The following EIF3B variants were observed in gnomAD, a reference collection of about 807,000 sequenced individuals.
The protein encoded by EIF3B is eukaryotic translation initiation factor 3 subunit 9.
In EIF3B, 10 loss-of-function variants were observed where a neutral mutation model predicts 104.6. The observed-to-expected ratio is 0.10, with a 90% confidence interval of 0.06 to 0.16. The LOEUF (loss-of-function observed/expected upper bound fraction) is 0.16. Ranked by LOEUF, EIF3B falls within the 10% of genes least tolerant of loss-of-function variation. The pLI is 1.00. For missense variants in EIF3B, 1,014 were observed against 1,087.9 expected, an observed-to-expected ratio of 0.93 and a Z score of 0.96; for synonymous variants, 542 against 417.2, an observed-to-expected ratio of 1.30 and a Z score of -3.65.
intron 6 of EIF3B, 42 bp from the exon 7 acceptor site, chr7:2,366,275 C>T (rs759653106): frequency 5.2e-6 from 8 of 1,537,286 alleles, no homozygotes; most frequent in African/African-American, 2.8e-5. Context: ...GTGATCCTCT[C>T]GTGAGAGGAG....
chr7:2,375,503 C>T lies in EIF3B; in HGVS notation c.2004C>T (p.Thr668=), dbSNP rs1271347362. Residue 668 remains threonine, a synonymous_variant, in exon 14 of 19, where the codon ACC becomes ACT. Coordinates refer to ENST00000360876, the MANE Select transcript of EIF3B (RefSeq NM_001037283.2). ...EWDPTGRYVV[T]SVSWWSHKVD... Reference sequence around the variant, plus strand: ...ATCCTACTGGGCGCTACGTCGTCACCTCTGTGTCCTGGTGGAGCCATAAGG... The same window carrying T: ...ATCCTACTGGGCGCTACGTCGTCACTTCTGTGTCCTGGTGGAGCCATAAGG... 5 of 1,614,118 alleles carry T rather than the reference C, an allele frequency of 3.1e-6. No homozygotes were observed. The South Asian group carries it at 3.3e-5, about 11-fold the overall frequency.
At chr7:2,357,915 A>G (rs950152418) in intron 1 of EIF3B, among the ~76,000 whole-genome samples, 2 of 152,132 alleles carry the variant, frequency 1.3e-5, no homozygotes, top group Non-Finnish European at 2.9e-5. Flanking sequence ...TTGTCAGGCT[A>G]TTTAATTGTA....
rs770157468 is a variant in EIF3B at position 2,376,976 on chromosome 7, T to G, written c.2055T>G (p.Thr685=). ...HKVDNAYWLW[T]FQGRLLQKNN... is the part of the protein sequence containing the mutation. ...TGGACAACGCGTACTGGCTGTGGAC[T>G]TTCCAGGGACGCCTCCTGCAGAAGA... Residue 685 remains threonine (T), a synonymous_variant, in exon 15 of 19, where the codon ACT becomes ACG. Coordinates refer to ENST00000360876, the MANE Select transcript of EIF3B (RefSeq NM_001037283.2). 2 of 1,613,940 alleles carry G rather than the reference T, an allele frequency of 1.2e-6. No individual in the cohort carries two copies. The highest frequency in any genetic ancestry group is 2.2e-5 in the South Asian group (2 of 91,072).
At chr7:2,354,664 T>G (rs934382458), upstream of EIF3B, among the ~76,000 whole-genome samples, 1 of 152,188 alleles carries the variant, frequency 6.6e-6, no homozygotes, top group Non-Finnish European at 1.5e-5. Flanking sequence ...GAAACAACCT[T>G]GCTGAATGGA....
chr7:2,367,556 A>C (rs1027879970), intron 9 of EIF3B, among the ~76,000 whole-genome samples: 6 of 151,914 alleles, frequency 3.9e-5, no homozygotes, highest in African/African-American at 1.5e-4. Context: ...TGCAACCTCC[A>C]CCTCCTGGGT....
At chr7:2,367,184 G>C (rs1245908239) in intron 9 of EIF3B, 139 bp downstream of exon 9, 1 of 801,038 alleles carries the variant, frequency 1.2e-6, no homozygotes, top group African/African-American at 1.8e-5. Flanking sequence ...CTGGAGCTTG[G>C]GAGCTTGAGG....
At chr7:2,370,798 G>A (rs983991857) in intron 10 of EIF3B, among the ~76,000 whole-genome samples, 28 of 152,242 alleles carry the variant, frequency 1.8e-4, no homozygotes, top group Admixed American at 3.3e-4. Flanking sequence ...GAAAAAGGCC[G>A]GGCACGGTGG....
At chr7:2,364,311 A>T (rs1779891175) in intron 5 of EIF3B, 61 bp from the exon 6 acceptor site, 2 of 1,392,490 alleles carry the variant, frequency 1.4e-6, no homozygotes, top group Non-Finnish European at 9.8e-7. Flanking sequence ...AATTCATTGT[A>T]GGAGGGGTCT....
chr7:2,360,697 C>A lies in EIF3B; in HGVS notation c.500-13C>A. 1.3e-6 allele frequency: 2 copies of A among 1,561,114 alleles called. No individual in the cohort carries two copies. The highest frequency in any genetic ancestry group is 1.7e-6 in the Non-Finnish European group (2 of 1,146,680). On this transcript the variant is annotated splice_polypyrimidine_tract_variant and intron_variant, in intron 1 of 18. Coordinates refer to ENST00000360876, the MANE Select transcript of EIF3B (RefSeq NM_001037283.2). ...TGGTAAAAATGATCATTTGAAAAAT[C>A]TCTCTTGTTCAGAATTACTGGGAGA...
In EIF3B at chr7:2,364,316, G is replaced by C. The variant is rs539631913; in HGVS notation, c.1000-56G>C. The C allele has an allele frequency of 1.9e-5, 27 of 1,439,106 alleles. 1 individual carries two copies. The South Asian group carries it at 3.7e-4, about 20-fold the overall frequency. 89.1% of individuals were successfully genotyped at this position (1,439,106 alleles called of 1,614,324 possible). A position where few individuals can be genotyped will look rare whatever the true frequency, so the allele number is the denominator to read the frequency against. On this transcript the variant is annotated intron_variant, in intron 5 of 18. Transcript: ENST00000360876. ...TTGTAGGATAAATTCATTGTAGGAG[G>C]GGTCTTTGTGTTTGCCATTTTGTTG...
intron 1 of EIF3B, among the ~76,000 whole-genome samples, chr7:2,356,007 T>C (rs1779408687): frequency 6.6e-6 from 1 of 152,226 alleles, no homozygotes. Context: ...TTCCAGGTTT[T>C]AATATTGCCG....
At chr7:2,362,989 G>A (rs890011082) in intron 3 of EIF3B, 81 bp from the exon 4 acceptor site, 18 of 1,549,630 alleles carry the variant, frequency 1.2e-5, no homozygotes, top group South Asian at 3.3e-5. Context: ...CAGGAGCACA[G>A]CAGGGCCATG....
At chr7:2,367,879 T>C in intron 9 of EIF3B, among the ~76,000 whole-genome samples, 1 of 143,542 alleles carries the variant, frequency 7.0e-6, no homozygotes, top group East Asian at 2.2e-4. Flanking sequence ...TCTTACTCTG[T>C]CTTGCAGGCT....
chr7:2,378,816 G>T, intron 16 of EIF3B, 50 bp downstream of exon 16: 1 of 1,516,812 alleles, frequency 6.6e-7, no homozygotes, highest in Non-Finnish European at 9.1e-7. Flanking sequence ...CCGCCATCAT[G>T]GCAAAGGCGG....
In EIF3B at chr7:2,363,624, T is replaced by C. The variant is rs1030239204; in HGVS notation, c.871-8T>C. ...TGAAATGTTATATTCCTTGTCTTTGTTTTTAAGGGGAACTTACGTTACTGG... is the reference window on the plus strand; with the variant it reads ...TGAAATGTTATATTCCTTGTCTTTGCTTTTAAGGGGAACTTACGTTACTGG... On this transcript the variant is annotated splice_region_variant and splice_polypyrimidine_tract_variant and intron_variant, in intron 4 of 18. Transcript: ENST00000360876. 6.3e-7 allele frequency: 1 copy of C among 1,593,178 alleles called. No homozygotes were observed. The highest frequency in any genetic ancestry group is 1.4e-5 in the African/African-American group (1 of 73,622).
chr7:2,365,596 G>C (rs1192572232), intron 6 of EIF3B, among the ~76,000 whole-genome samples: 1 of 152,054 alleles, frequency 6.6e-6, no homozygotes, highest in Non-Finnish European at 1.5e-5. Context: ...GAGCCCCCAG[G>C]CTCTGAAGTT....
At chr7:2,366,254 A>G (rs1780021972) in intron 6 of EIF3B, 63 bp from the exon 7 acceptor site, 3 of 1,507,190 alleles carry the variant, frequency 2.0e-6, no homozygotes, top group South Asian at 1.4e-5. Context: ...TTCTGGCCGC[A>G]CAGACAGACT....
At chr7:2,374,804 A>C (rs969202394) in intron 13 of EIF3B, 198 bp downstream of exon 13, 6 of 477,918 alleles carry the variant, frequency 1.3e-5, no homozygotes, top group Non-Finnish European at 2.2e-5. Context: ...GCCCGCACAG[A>C]GTGAAATAAG....
At position 2,379,530 on chromosome 7, in the gene EIF3B, C is replaced by A; in HGVS notation, c.*14+19C>A. The A allele has an allele frequency of 6.8e-7, 1 of 1,481,276 alleles. No homozygotes were observed. Among genetic ancestry groups the A allele is most frequent in the Non-Finnish European group, 9.2e-7 (1 of 1,082,684 alleles). 91.8% of individuals were successfully genotyped at this position (1,481,276 alleles called of 1,614,324 possible). ...CACTGTGGTGAGCGTCTGCAGGGGG[C>A]GCGATGGGGGTCCTGTTGGCTGCTC... On this transcript the variant is annotated intron_variant, in intron 18 of 18. Coordinates refer to ENST00000360876, the MANE Select transcript of EIF3B (RefSeq NM_001037283.2).
Sources: gnomAD v4.1 joint callset for allele counts (sites outside exome capture counted in the v4.1 genomes callset) on GRCh38, gnomAD v4.1.1 for gene constraint, MANE v1.5 for transcripts, NCBI Gene and HGNC (gene_info 2026-07-23, HGNC 2026-07-21) for gene names.